Variants in PCDH15 observed in about 807,000 individuals in gnomAD.
The protein encoded by PCDH15 is protocadherin related 15.
PCDH15 carries 129 observed loss-of-function variants against 178.5 expected under a neutral mutation model. The observed-to-expected ratio is 0.72, with a 90% CI of 0.63 to 0.84. PCDH15 has a LOEUF of 0.84. Ranked by LOEUF, PCDH15 falls within the 40% of genes least tolerant of loss-of-function variation. PCDH15 has a pLI of 0.00. For synonymous variants in PCDH15, 800 were observed against 732.0 expected, an observed-to-expected ratio of 1.09 and a Z score of -1.50; for missense variants, 2,230 against 2,099.9, an observed-to-expected ratio of 1.06 and a Z score of -1.21.
At chr10:55,291,077 A>G (rs1842995838) in intron 1 of PCDH15, among the ~76,000 whole-genome samples, 1 of 152,090 alleles carries the variant, frequency 6.6e-6, no homozygotes. Context: ...AAGAAAAATA[A>G]TCTTTTCTGA....
chr10:53,871,407 A>C (rs1162236001), intron 26 of PCDH15, among the ~76,000 whole-genome samples: 2 of 151,794 alleles, frequency 1.3e-5, no homozygotes, highest in Admixed American at 6.6e-5. Context: ...GATAAAAATA[A>C]GGATGCCCAA....
chr10:53,822,775 C>T, intron 32 of PCDH15: 1 of 1,613,932 alleles, frequency 6.2e-7, no homozygotes, highest in Non-Finnish European at 8.5e-7. Context: ...TTCAACTGTT[C>T]TGTTCCTTCT....
chr10:53,811,679 A>C (rs1340263522), intron 35 of PCDH15, 60 bp from the exon 36 acceptor site: 1 of 1,103,282 alleles, frequency 9.1e-7, no homozygotes. Context: ...TTCAGGTCAA[A>C]GTCAGATTTC....
At position 55,467,825 on chromosome 10, in the gene PCDH15, A is replaced by T. The variant is rs1419369792; in HGVS notation, c.-156+159800T>A. On this transcript the variant is annotated intron_variant, in intron 2 of 5. Coordinates refer to the PCDH15 transcript ENST00000613346. ...CTAAAAATACAAAAAAAATAGCCGG[A>T]AGTGGAGGCGGGCACCTGTAGTCCC... is the stretch of plus-strand genomic sequence containing the variant. Among the ~76,000 whole-genome samples the T allele has an allele frequency of 3.3e-5, 5 of 151,480 alleles. No individual in the cohort carries two copies. The East Asian group carries it at 9.8e-4, about 30-fold the overall frequency.
At chr10:54,966,188 A>T (rs979995911) in intron 2 of PCDH15, among the ~76,000 whole-genome samples, 1 of 152,138 alleles carries the variant, frequency 6.6e-6, no homozygotes, top group East Asian at 1.9e-4. Flanking sequence ...TTACTAAGTA[A>T]TTTTTTTAAA....
chr10:55,115,008 T>C (rs1043403613), intron 2 of PCDH15, among the ~76,000 whole-genome samples: 1 of 152,232 alleles, frequency 6.6e-6, no homozygotes, highest in Non-Finnish European at 1.5e-5. Flanking sequence ...ATAGTTAATG[T>C]TAAGTTATAT....
chr10:55,009,711 G>T (rs1181201934), intron 2 of PCDH15, among the ~76,000 whole-genome samples: 1 of 152,070 alleles, frequency 6.6e-6, no homozygotes, highest in Admixed American at 6.6e-5. Flanking sequence ...TACTAAGCAT[G>T]AAAAGAAATC....
At chr10:54,596,488 C>A (rs2092246735) in intron 2 of PCDH15, among the ~76,000 whole-genome samples, 1 of 152,096 alleles carries the variant, frequency 6.6e-6, no homozygotes, top group Non-Finnish European at 1.5e-5. Context: ...AGACCATAAC[C>A]AGCAACCACA....
At chr10:54,105,317 T>TATATATACAC (rs1233590982) in intron 15 of PCDH15, among the ~76,000 whole-genome samples, 39 of 91,592 alleles carry the variant, frequency 4.3e-4, no homozygotes, top group Non-Finnish European at 7.1e-4. Flanking sequence ...TATATATATA[T>TATATATACAC]ACACACACAC....
chr10:55,526,847 A>G (rs1334980982), intron 2 of PCDH15, among the ~76,000 whole-genome samples: 2 of 152,108 alleles, frequency 1.3e-5, no homozygotes, highest in African/African-American at 2.4e-5. Context: ...CACAAAAGCC[A>G]TATCATTCAA....
intron 8 of PCDH15, among the ~76,000 whole-genome samples, chr10:54,308,238 G>A (rs140466994): frequency 6.7e-4 from 102 of 152,138 alleles, no homozygotes; most frequent in African/African-American, 1.8e-3. Flanking sequence ...AAACATCAGG[G>A]ACAAGCTTAA....
In PCDH15 at chr10:54,555,779, GA is replaced by G. The variant is rs1555054158; in HGVS notation, c.92-27903del. On this transcript the variant is annotated intron_variant, in intron 2 of 37. Transcript: ENST00000644397. ...AGAAAAGAAAAGAAAAAAGAAAAAG[GA>G]AAAAAAAGAATCACCCATTCATAAT... 5.1e-5 allele frequency among the ~76,000 whole-genome samples: 7 copies of G among 137,584 alleles called. No homozygotes were observed. The East Asian group carries it at 6.2e-4, about 12-fold the overall frequency. The allele number at this position is 137,584 out of a possible 152,430, so 90.3% of individuals were successfully genotyped here.
At chr10:54,622,139 G>A (rs1371600143) in intron 2 of PCDH15, among the ~76,000 whole-genome samples, 1 of 151,814 alleles carries the variant, frequency 6.6e-6, no homozygotes, top group African/African-American at 2.4e-5. Flanking sequence ...TGAAAAAATG[G>A]ACTGTAAAGG....
chr10:54,096,581 G>A (rs2094703540), intron 15 of PCDH15, among the ~76,000 whole-genome samples: 1 of 152,122 alleles, frequency 6.6e-6, no homozygotes, highest in African/African-American at 2.4e-5. Context: ...TCAAGATCAT[G>A]GCACTAGCAG....
rs1429504707 is a variant in PCDH15 at position 53,806,457 on chromosome 10, T to C, written c.*122A>G. 1.7e-5 allele frequency: 14 copies of C among 839,534 alleles called. No homozygotes were observed. The highest frequency in any genetic ancestry group is 2.2e-5 in the Non-Finnish European group (12 of 555,476). The allele number at this position is 839,534 out of a possible 1,614,324, so 52.0% of individuals were successfully genotyped here. A position where few individuals can be genotyped will look rare whatever the true frequency, so the allele number is the denominator to read the frequency against. On this transcript the variant is annotated 3_prime_UTR_variant, in exon 38 of 38. Transcript: ENST00000644397. ...TCTCTTAAAATTTTAAAGCATATTG[T>C]TCAAAGTTTTAGCTTGTGTGCATGA...
At chr10:53,888,661 T>A (rs2081332542) in intron 26 of PCDH15, among the ~76,000 whole-genome samples, 1 of 24,560 alleles carries the variant, frequency 4.1e-5, no homozygotes, top group Non-Finnish European at 8.8e-5. Flanking sequence ...AGCAGTTAAG[T>A]TTGATATATA....
chr10:54,325,817 G>A (rs1465497471), intron 7 of PCDH15, among the ~76,000 whole-genome samples: 3 of 152,016 alleles, frequency 2.0e-5, no homozygotes, highest in Admixed American at 6.6e-5. Context: ...GCTGAGGCAT[G>A]AGAATCACTT....
chr10:54,926,122 T>C (rs1564634769), intron 2 of PCDH15, among the ~76,000 whole-genome samples: 1 of 152,082 alleles, frequency 6.6e-6, no homozygotes, highest in East Asian at 1.9e-4. Flanking sequence ...GGTATGTTTC[T>C]TCAATACCTA....
At chr10:55,587,001 A>G (rs1328764874) in intron 2 of PCDH15, among the ~76,000 whole-genome samples, 1 of 152,164 alleles carries the variant, frequency 6.6e-6, no homozygotes, top group East Asian at 1.9e-4. Context: ...GTGGGAACAG[A>G]AGTACAATTT....
Sources: gnomAD v4.1 joint callset for allele counts (sites outside exome capture counted in the v4.1 genomes callset) on GRCh38, gnomAD v4.1.1 for gene constraint, MANE v1.5 for transcripts, NCBI Gene and HGNC (gene_info 2026-07-23, HGNC 2026-07-21) for gene names.